FAM228B: variants seen among roughly 807,000 people sequenced by gnomAD.
FAM228B encodes family with sequence similarity 228 member B, also known as protein FAM228B.
A neutral mutation model predicts 42.6 loss-of-function variants in FAM228B; 38 were observed. The observed-to-expected ratio is 0.89, with a 90% CI of 0.69 to 1.17. The LOEUF is 1.17. FAM228B is among the 50% of genes most tolerant of loss of function. The pLI, the probability that FAM228B is intolerant of heterozygous loss-of-function variation, is 0.00. For synonymous variants in FAM228B, 109 were observed against 122.3 expected (o/e 0.89, Z 0.72); for missense variants, 344 against 367.3 (o/e 0.94, Z 0.52).
intron 3 of FAM228B, among the ~76,000 whole-genome samples, chr2:24,136,278 G>C (rs1265220472): frequency 6.6e-6 from 1 of 151,864 alleles, no homozygotes; most frequent in African/African-American, 2.4e-5. Context: ...CCAGGCTGGA[G>C]TGCAATGGTA....
chr2:24,152,319 G>A (rs1303529685), intron 7 of FAM228B, among the ~76,000 whole-genome samples: 1 of 152,180 alleles, frequency 6.6e-6, no homozygotes, highest in Admixed American at 6.5e-5. Flanking sequence ...GTTTCTCCAG[G>A]ATTGGTCCCT....
At chr2:24,168,265 A>T (rs1051924745) in intron 10 of FAM228B, among the ~76,000 whole-genome samples, 4 of 152,152 alleles carry the variant, frequency 2.6e-5, no homozygotes, top group Non-Finnish European at 4.4e-5. Context: ...TGTCAAAGAG[A>T]AGAAGGCCGA....
At chr2:24,096,706 C>T (rs1177367655) in intron 3 of FAM228B, 1 of 152,188 alleles carries the variant, frequency 6.6e-6, no homozygotes, top group Non-Finnish European at 1.5e-5. Context: ...TTGGAAAACA[C>T]TCTTCAGGAT....
At chr2:24,153,842 C>T (rs1184202477) in intron 7 of FAM228B, among the ~76,000 whole-genome samples, 1 of 152,224 alleles carries the variant, frequency 6.6e-6, no homozygotes, top group Admixed American at 6.5e-5. Flanking sequence ...CTTCAGCCCA[C>T]AATGGTGAGG....
intron 2 of FAM228B, among the ~76,000 whole-genome samples, chr2:24,125,644 T>A (rs144805138): frequency 4.6e-5 from 7 of 152,232 alleles, no homozygotes; most frequent in African/African-American, 1.7e-4. Flanking sequence ...CAATGCAACC[T>A]CTACCTCCCG....
chr2:24,145,123 C>T (rs916889508), intron 5 of FAM228B, among the ~76,000 whole-genome samples: 1 of 152,178 alleles, frequency 6.6e-6, no homozygotes, highest in Non-Finnish European at 1.5e-5. Context: ...TCCACCTGGC[C>T]GACCGCAGCC....
intron 2 of FAM228B, chr2:24,082,898 C>T (rs773060580): frequency 1.9e-6 from 3 of 1,607,032 alleles, no homozygotes; most frequent in Middle Eastern, 2.1e-4. Flanking sequence ...CAAGATGTAA[C>T]AGCTGGAAGG....
At chr2:24,129,535 C>CT (rs910373604) in intron 2 of FAM228B, among the ~76,000 whole-genome samples, 2 of 151,536 alleles carry the variant, frequency 1.3e-5, no homozygotes, top group Non-Finnish European at 2.9e-5. Flanking sequence ...TTTATTCTTC[C>CT]TTTTTTTTCA....
chr2:24,128,256 CTGT>C (rs957749845), intron 2 of FAM228B, among the ~76,000 whole-genome samples: 4 of 151,552 alleles, frequency 2.6e-5, no homozygotes, highest in South Asian at 2.1e-4. Flanking sequence ...TGGTTTGTTG[CTGT>C]TGTTGTTGTT....
At chr2:24,110,803 G>GACAGGTCAGCCA (rs1665778279) in intron 3 of FAM228B, among the ~76,000 whole-genome samples, 1 of 152,174 alleles carries the variant, frequency 6.6e-6, no homozygotes, top group African/African-American at 2.4e-5. Flanking sequence ...ACAGAAGTGT[G>GACAGGTCAGCCA]GGTAGTGCGG....
At chr2:24,079,422 T>A (rs1295068315) in intron 1 of FAM228B, 1 of 1,611,522 alleles carries the variant, frequency 6.2e-7, no homozygotes, top group Non-Finnish European at 8.5e-7. Flanking sequence ...AATCACATGT[T>A]TTCTTTTCAT....
At chr2:24,136,059 T>TG in intron 3 of FAM228B, among the ~76,000 whole-genome samples, 1 of 123,804 alleles carries the variant, frequency 8.1e-6, no homozygotes, top group Non-Finnish European at 1.7e-5. Context: ...CCTTCTTTTT[T>TG]TTTTTTTTTT....
rs1558386676 is a variant in FAM228B, at chr2:24,137,974, AAG to A, written c.236_237del (p.Arg79MetfsTer3). On this transcript the variant is annotated frameshift_variant, in exon 4 of 11. Coordinates refer to ENST00000615575, the MANE Select transcript of FAM228B (RefSeq NM_001145710.2). LOFTEE classifies it high-confidence loss of function. ...CAAGAAGAAAGGAGATGTTATATAAAAGATGGGTTGACTGTGTGGCAGATCCT... is the reference window on the plus strand; with the variant it reads ...CAAGAAGAAAGGAGATGTTATATAAAATGGGTTGACTGTGTGGCAGATCCT... ...NARRKEMLYK[R>X]WVDCVADPLQ... The A allele has an allele frequency of 3.2e-6, 5 of 1,548,094 alleles. No homozygotes were observed. In the South Asian group the frequency reaches 6.0e-5, roughly 19 times the overall value.
intron 5 of FAM228B, among the ~76,000 whole-genome samples, chr2:24,143,222 C>T (rs1253097639): frequency 6.6e-6 from 1 of 151,896 alleles, no homozygotes; most frequent in Non-Finnish European, 1.5e-5. Flanking sequence ...GCTCTGTCAC[C>T]CAGGCTGGAG....
chr2:24,143,242 C>G (rs561790187), intron 5 of FAM228B, among the ~76,000 whole-genome samples: 11 of 151,860 alleles, frequency 7.2e-5, no homozygotes, highest in African/African-American at 1.2e-4. Flanking sequence ...GTGCAGTGGC[C>G]CAATCTCGGC....
At position 24,084,055 on chromosome 2, in the gene FAM228B, T is replaced by C. The variant is rs1665138116; in HGVS notation, c.-210+3100T>C. 2.2e-6 allele frequency: 3 copies of C among 1,376,232 alleles called. No individual in the cohort carries two copies. Among genetic ancestry groups the C allele is most frequent in the Non-Finnish European group, 2.9e-6 (3 of 1,046,298 alleles). 85.3% of individuals were successfully genotyped at this position (1,376,232 alleles called of 1,614,324 possible). ...AAAGAGGGCGCCCTGGGTTTAGGTC[T>C]GGGAAGCCCCAGCGCAGCTGCCTGC... On this transcript the variant is annotated intron_variant, in intron 2 of 10. Coordinates refer to the FAM228B transcript ENST00000613899. The surrounding 1 kb of genome is among the most constrained non-coding windows in gnomAD (Gnocchi z 8.4).
intron 5 of FAM228B, among the ~76,000 whole-genome samples, chr2:24,144,884 G>A (rs1467902469): frequency 2.0e-5 from 3 of 152,140 alleles, no homozygotes; most frequent in African/African-American, 7.2e-5. Context: ...CTAGGGGATT[G>A]CCCTGCCCCA....
chr2:24,104,187 G>A (rs1398303771), intron 3 of FAM228B, among the ~76,000 whole-genome samples: 1 of 152,158 alleles, frequency 6.6e-6, no homozygotes, highest in Non-Finnish European at 1.5e-5. Context: ...CAGGGTGAGT[G>A]AGTGAGAGCC....
chr2:24,124,293 CTG>C (rs1666243176), intron 1 of FAM228B, 35 bp from the exon 2 acceptor site: 7 of 1,033,374 alleles, frequency 6.8e-6, no homozygotes, highest in African/African-American at 4.9e-5. Context: ...AATCAGATGA[CTG>C]TGAAATGTTC....
Sources: allele counts gnomAD v4.1 joint callset (sites outside exome capture counted in the v4.1 genomes callset), GRCh38; gene constraint gnomAD v4.1.1; non-coding constraint Gnocchi (gnomAD v3.1); transcripts MANE v1.5; gene names NCBI Gene and HGNC (gene_info 2026-07-23, HGNC 2026-07-21).